AGO3: variants seen among roughly 807,000 people sequenced by gnomAD.
The protein encoded by AGO3 is protein argonaute-3.
In AGO3, 16 loss-of-function variants were observed where a neutral mutation model predicts 105.5. The ratio of observed to expected loss-of-function variants is 0.15; its 90% CI spans 0.10 to 0.23. The LOEUF (loss-of-function observed/expected upper bound fraction) is 0.23, where lower values mean the gene tolerates loss of function less well. Ranked by LOEUF, AGO3 falls within the 10% of genes least tolerant of loss-of-function variation. AGO3 has a pLI of 1.00. For synonymous variants in AGO3, 340 were observed against 367.3 expected (o/e 0.93, Z 0.85); for missense variants, 534 against 1,088.0 (o/e 0.49, Z 7.16).
At chr1:35,952,790 A>G (rs980905726) in intron 2 of AGO3, among the ~76,000 whole-genome samples, 1 of 152,232 alleles carries the variant, frequency 6.6e-6, no homozygotes, top group African/African-American at 2.4e-5. Flanking sequence ...AGGCTCTACT[A>G]TCTAGGTATG....
rs1026920355 is a variant in AGO3 at position 35,931,108 on chromosome 1, T to TCGG, written c.-308_-306dup. ...AGCTTCCGGGGCGGCCCCGGGCAGGTCGGCGGCGGCGGCCCGCAGTCGTGG... is the reference window on the plus strand; with the variant it reads ...AGCTTCCGGGGCGGCCCCGGGCAGGTCGGCGGCGGCGGCGGCCCGCAGTCGTGG... On this transcript the variant is annotated 5_prime_UTR_variant, in exon 1 of 19. Coordinates refer to ENST00000373191, the MANE Select transcript of AGO3 (RefSeq NM_024852.4). 2.1e-4 allele frequency: 74 copies of TCGG among 354,682 alleles called. 1 individual carries two copies. In the Admixed American group the frequency reaches 2.4e-3, roughly 11 times the overall value. The allele number at this position is 354,682 out of a possible 1,614,324, so 22.0% of individuals were successfully genotyped here.
chr1:36,052,168 G>A (rs185083681), intron 17 of AGO3, among the ~76,000 whole-genome samples: 1 of 152,178 alleles, frequency 6.6e-6, no homozygotes, highest in Non-Finnish European at 1.5e-5. Flanking sequence ...CAACCTAAGT[G>A]TCCCTCAACA....
chr1:36,054,838 C>G (rs1429901501), intron 17 of AGO3, 108 bp from the exon 18 acceptor site: 4 of 1,030,704 alleles, frequency 3.9e-6, no homozygotes, highest in Non-Finnish European at 5.9e-6. Context: ...TCTGAGATCA[C>G]GCCATTGCAC....
chr1:35,949,468 G>C (rs1236822322), intron 2 of AGO3, among the ~76,000 whole-genome samples: 1 of 152,158 alleles, frequency 6.6e-6, no homozygotes, highest in Non-Finnish European at 1.5e-5. Flanking sequence ...CTCAGTTCCT[G>C]TGCTTCAACA....
intron 1 of AGO3, among the ~76,000 whole-genome samples, chr1:35,939,929 G>A (rs1328969246): frequency 1.3e-5 from 2 of 151,828 alleles, no homozygotes; most frequent in Admixed American, 1.3e-4. Context: ...TTCATATTTA[G>A]TAGTAACTAT....
chr1:35,971,221 G>A (rs906935765), intron 3 of AGO3, among the ~76,000 whole-genome samples: 7 of 144,218 alleles, frequency 4.9e-5, no homozygotes, highest in African/African-American at 1.8e-4. Flanking sequence ...GCACAGTGGT[G>A]TGATCTTGGC....
chr1:35,969,310 T>G (rs1467724800), intron 3 of AGO3, among the ~76,000 whole-genome samples: 1 of 152,174 alleles, frequency 6.6e-6, no homozygotes, highest in African/African-American at 2.4e-5. Context: ...TCACAGGTTG[T>G]CTTTTCACTA....
intron 1 of AGO3, 124 bp downstream of exon 1, chr1:35,931,569 C>T (rs1646049070): frequency 1.9e-6 from 2 of 1,070,604 alleles, no homozygotes; most frequent in Non-Finnish European, 2.5e-6. Context: ...CTCGGTCTCC[C>T]GCCCCTCGCC....
chr1:36,010,049 CT>C (rs1640524560), intron 9 of AGO3, among the ~76,000 whole-genome samples: 1 of 148,378 alleles, frequency 6.7e-6, no homozygotes, highest in Non-Finnish European at 1.5e-5. Context: ...CACCATTCTC[CT>C]GCTTCAGCCT....
chr1:35,964,426 C>T (rs1646736524), intron 2 of AGO3, among the ~76,000 whole-genome samples: 1 of 152,142 alleles, frequency 6.6e-6, no homozygotes, highest in African/African-American at 2.4e-5. Flanking sequence ...CGGCCTCTAG[C>T]TCCATACATG....
intron 11 of AGO3, among the ~76,000 whole-genome samples, chr1:36,022,854 C>T (rs1212116585): frequency 1.3e-5 from 2 of 150,356 alleles, no homozygotes; most frequent in African/African-American, 4.9e-5. Context: ...ATTGCTGGAA[C>T]CTGGGAAGCA....
chr1:36,039,083 A>T (rs1292596844), intron 14 of AGO3, among the ~76,000 whole-genome samples: 1 of 152,230 alleles, frequency 6.6e-6, no homozygotes, highest in Admixed American at 6.5e-5. Flanking sequence ...CCAACAACAC[A>T]AAGAATCTAA....
intron 17 of AGO3, among the ~76,000 whole-genome samples, chr1:36,052,576 G>A (rs1314483274): frequency 1.3e-5 from 2 of 152,038 alleles, no homozygotes; most frequent in African/African-American, 4.8e-5. Flanking sequence ...AATGTTTGAG[G>A]CATAGATATC....
At position 35,967,095 on chromosome 1, in the gene AGO3, A is replaced by C. The variant is rs777094658; in HGVS notation, c.312+20A>C. The C allele has an allele frequency of 1.9e-6, 3 of 1,598,450 alleles. No homozygotes were observed. The East Asian group carries it at 6.7e-5, about 36-fold the overall frequency. On this transcript the variant is annotated intron_variant, in intron 3 of 18. Coordinates refer to ENST00000373191, the MANE Select transcript of AGO3 (RefSeq NM_024852.4). The stretch of plus-strand genomic sequence containing the variant: ...ACAGGGGTAAGATATGCATTCCTGT[A>C]TTGGAAAGGTATATTTTTGAAGTGT...
At position 35,954,960 on chromosome 1, in the gene AGO3, T is replaced by C. The variant is rs553962812; in HGVS notation, c.191+9097T>C. On this transcript the variant is annotated intron_variant, in intron 2 of 18. Transcript: ENST00000373191. ...GCTGATATATGCTACAACATGAAGT[T>C]GTCCAGTGGACAGGGAGAAAGAATA... 3.3e-5 allele frequency among the ~76,000 whole-genome samples: 5 copies of C among 152,350 alleles called. No homozygotes were observed. The South Asian group carries it at 1.0e-3, about 32-fold the overall frequency.
chr1:35,932,290 C>T (rs1458681914), intron 1 of AGO3, among the ~76,000 whole-genome samples: 3 of 152,152 alleles, frequency 2.0e-5, no homozygotes, highest in Non-Finnish European at 4.4e-5. Flanking sequence ...AATGATCATG[C>T]TTGGCTTATT....
intron 11 of AGO3, among the ~76,000 whole-genome samples, chr1:36,016,518 A>G (rs1640910996): frequency 6.6e-6 from 1 of 152,076 alleles, no homozygotes; most frequent in African/African-American, 2.4e-5. Context: ...AAACCTCTAG[A>G]CTGAACTTAA....
intron 1 of AGO3, among the ~76,000 whole-genome samples, chr1:35,938,307 TATAAA>T (rs1646189418): frequency 1.3e-5 from 2 of 152,080 alleles, no homozygotes. Context: ...TTTTTCCAAT[TATAAA>T]ATAATAACTA....
chr1:35,934,690 G>A (rs987780122), intron 1 of AGO3, among the ~76,000 whole-genome samples: 3 of 151,542 alleles, frequency 2.0e-5, no homozygotes, highest in African/African-American at 4.9e-5. Context: ...TTGCTCTGTC[G>A]CCTAGGCTGG....
Sources: gnomAD v4.1 joint callset for allele counts (sites outside exome capture counted in the v4.1 genomes callset) on GRCh38, gnomAD v4.1.1 for gene constraint, MANE v1.5 for transcripts, NCBI Gene and HGNC (gene_info 2026-07-23, HGNC 2026-07-21) for gene names.